MACF1: variants seen among roughly 807,000 people sequenced by gnomAD.
MACF1 encodes microtubule actin crosslinking factor 1.
MACF1 carries 193 observed loss-of-function variants against 854.8 expected under a neutral mutation model. The ratio of observed to expected loss-of-function variants is 0.23; its 90% CI spans 0.20 to 0.25. The LOEUF (loss-of-function observed/expected upper bound fraction) is 0.25. Among genes scored for constraint, MACF1 ranks in the 10% least tolerant of loss-of-function variants. The pLI is 1.00. For missense variants in MACF1, 7,722 were observed against 8,929.1 expected (o/e 0.86, Z 5.45); for synonymous variants, 3,185 against 3,226.7 (o/e 0.99, Z 0.44).
chr1:39,247,234 G>A (rs940312674), intron 2 of MACF1, among the ~76,000 whole-genome samples: 2 of 151,504 alleles, frequency 1.3e-5, no homozygotes, highest in African/African-American at 2.4e-5. Context: ...CACCATGCCC[G>A]GCTAATTTTT....
intron 2 of MACF1, among the ~76,000 whole-genome samples, chr1:39,173,632 C>T (rs933522091): frequency 3.3e-5 from 5 of 152,114 alleles, no homozygotes; most frequent in Non-Finnish European, 1.5e-5. Context: ...GAGGGTTAGA[C>T]AATCAGGAGT....
At chr1:39,281,858 A>G (rs1399208810) in intron 6 of MACF1, among the ~76,000 whole-genome samples, 1 of 152,176 alleles carries the variant, frequency 6.6e-6, no homozygotes, top group Non-Finnish European at 1.5e-5. Flanking sequence ...ATCAAGTTGT[A>G]TGTATGTTTT....
chr1:39,468,406 A>G (rs909950013), intron 95 of MACF1, among the ~76,000 whole-genome samples: 1 of 152,244 alleles, frequency 6.6e-6, no homozygotes, highest in African/African-American at 2.4e-5. Context: ...AAAAAAGTAT[A>G]TCAAGACACC....
intron 1 of MACF1, among the ~76,000 whole-genome samples, chr1:39,214,829 T>C (rs932227983): frequency 1.3e-5 from 2 of 152,200 alleles, no homozygotes; most frequent in African/African-American, 4.8e-5. Context: ...TAACACTATA[T>C]GTACTTCTGC....
intron 2 of MACF1, among the ~76,000 whole-genome samples, chr1:39,096,899 C>T (rs1474951707): frequency 3.0e-4 from 38 of 126,014 alleles, no homozygotes; most frequent in African/African-American, 5.3e-4. Context: ...TTTTTTGAGA[C>T]GGACTCTTGC....
intron 58 of MACF1, among the ~76,000 whole-genome samples, chr1:39,418,140 G>A (rs1643397582): frequency 6.6e-6 from 1 of 152,164 alleles, no homozygotes; most frequent in East Asian, 1.9e-4. Flanking sequence ...TCTGATTGTG[G>A]CTTCTGTGTT....
intron 97 of MACF1, among the ~76,000 whole-genome samples, chr1:39,476,980 C>T (rs1263104162): frequency 6.8e-6 from 1 of 147,198 alleles, no homozygotes; most frequent in East Asian, 2.0e-4. Context: ...TGGATGTCTG[C>T]TGGGCCTGTC....
intron 2 of MACF1, among the ~76,000 whole-genome samples, chr1:39,089,121 C>T (rs1002059950): frequency 2.6e-5 from 4 of 152,198 alleles, no homozygotes; most frequent in African/African-American, 9.7e-5. Context: ...CACCTGTAAT[C>T]TCAGCATTTC....
At chr1:39,307,897 CTTTCT>C (rs1259826264) in intron 23 of MACF1, among the ~76,000 whole-genome samples, 33 of 96,234 alleles carry the variant, frequency 3.4e-4, no homozygotes, top group Non-Finnish European at 3.9e-4. Context: ...TTCTTTCTTT[CTTTCT>C]TTTTTTTTTT....
intron 2 of MACF1, among the ~76,000 whole-genome samples, chr1:39,137,918 A>G (rs1443131861): frequency 6.6e-6 from 1 of 151,944 alleles, no homozygotes; most frequent in African/African-American, 2.4e-5. Flanking sequence ...TACTAAAAAT[A>G]CAGAAATTAG....
In MACF1 at chr1:39,332,658, A is replaced by G. The variant is rs1216377572; in HGVS notation, c.6070A>G (p.Asn2024Asp). 1.2e-6 allele frequency: 2 copies of G among 1,614,188 alleles called. No individual in the cohort carries two copies. Among genetic ancestry groups the G allele is most frequent in the East Asian group, 2.2e-5 (1 of 44,890 alleles). ...KTPEGLQESA[N>D]VKISGTFSSG... ...TCCTGAGGGATTGCAAGAATCAGCT[A>G]ATGTGAAAATCTCAGGAACTTTCAG... The change falls in exon 37 of 101, where the codon AAT (asparagine) becomes GAT (aspartate). Residue 2024 changes from asparagine (N) to aspartate (D), a missense_variant. Around this residue, in one of 15 missense-constraint regions of MACF1, gnomAD observed 1,531 missense variants for 1,601.6 expected, o/e 0.96. Coordinates refer to ENST00000564288, the MANE Select transcript of MACF1 (RefSeq NM_001394062.1).
At chr1:39,316,664 T>TA in intron 28 of MACF1, 135 bp downstream of exon 28, 8 of 778,734 alleles carry the variant, frequency 1.0e-5, no homozygotes, top group African/African-American at 1.8e-5. Flanking sequence ...ATTAAATATA[T>TA]TTTAATATGT....
At chr1:39,183,594 C>T (rs1644131158) in intron 2 of MACF1, among the ~76,000 whole-genome samples, 1 of 152,164 alleles carries the variant, frequency 6.6e-6, no homozygotes, top group African/African-American at 2.4e-5. Context: ...CACTTTATAT[C>T]AGGAAGCGAA....
chr1:39,273,991 C>T (rs544489378), intron 6 of MACF1, among the ~76,000 whole-genome samples: 1 of 152,076 alleles, frequency 6.6e-6, no homozygotes, highest in South Asian at 2.1e-4. Flanking sequence ...TAAAAAAGGC[C>T]TTTTACAGAT....
chr1:39,117,369 T>A (rs191827175), intron 2 of MACF1, among the ~76,000 whole-genome samples: 1 of 152,158 alleles, frequency 6.6e-6, no homozygotes, highest in Non-Finnish European at 1.5e-5. Flanking sequence ...CAGTGTGCCT[T>A]GTTTTGCGCT....
At chr1:39,418,444 G>A (rs1643409467) in intron 58 of MACF1, among the ~76,000 whole-genome samples, 1 of 152,226 alleles carries the variant, frequency 6.6e-6, no homozygotes. Flanking sequence ...AATATAGAAA[G>A]AGAAGAGAGT....
intron 2 of MACF1, among the ~76,000 whole-genome samples, chr1:39,180,410 G>A (rs1210267800): frequency 6.6e-6 from 1 of 152,122 alleles, no homozygotes. Flanking sequence ...GGGGTCAGGA[G>A]TTCAAGGCCA....
At chr1:39,112,982 C>CA (rs796713382) in intron 2 of MACF1, among the ~76,000 whole-genome samples, 114 of 145,792 alleles carry the variant, frequency 7.8e-4, no homozygotes, top group Middle Eastern at 7.2e-3. Context: ...GACCCCATCT[C>CA]AAAAAAAAAA....
At chr1:39,302,428 C>T (rs746643520) in intron 22 of MACF1, among the ~76,000 whole-genome samples, 7 of 152,252 alleles carry the variant, frequency 4.6e-5, no homozygotes, top group Admixed American at 1.3e-4. Context: ...TTGTGTGTCT[C>T]GATATTTCTG....
Sources: allele counts gnomAD v4.1 joint callset (sites outside exome capture counted in the v4.1 genomes callset), GRCh38; gene constraint gnomAD v4.1.1; regional missense constraint gnomAD v4.1.1; transcripts MANE v1.5; gene names NCBI Gene and HGNC (gene_info 2026-07-23, HGNC 2026-07-21).